HMGCLL1: variants seen among roughly 807,000 people sequenced by gnomAD.
The protein encoded by HMGCLL1 is 3-hydroxy-3-methylglutaryl-CoA lyase like 1, also known as 3-hydroxymethyl-3-methylglutaryl-CoA lyase, cytoplasmic.
Under a neutral mutation model 39.1 loss-of-function variants are expected in HMGCLL1, and 36 were observed. That is an observed-to-expected ratio of 0.92 (90% CI 0.71 to 1.22). The LOEUF (loss-of-function observed/expected upper bound fraction) is 1.22, where lower values mean the gene tolerates loss of function less well. HMGCLL1 is among the 50% of genes most tolerant of loss of function. HMGCLL1 has a pLI of 0.00. For missense variants in HMGCLL1, 451 were observed against 416.5 expected, an observed-to-expected ratio of 1.08 and a Z score of -0.72; for synonymous variants, 149 against 144.0, an observed-to-expected ratio of 1.03 and a Z score of -0.25.
intron 7 of HMGCLL1, among the ~76,000 whole-genome samples, chr6:55,477,240 TTTATATAATATATAATATATA>T (rs1196700888): frequency 5.2e-5 from 1 of 19,062 alleles, no homozygotes; most frequent in South Asian, 1.3e-3. Context: ...ATATATTATA[TTTATATAATATATAATATATA>T]TTATATAATA....
the HMGCLL1 span, among the ~76,000 whole-genome samples, chr6:55,666,758 C>T: frequency 5.3e-5 from 8 of 151,766 alleles, no homozygotes; most frequent in East Asian, 5.8e-4. Flanking sequence ...GCATGGGTAG[C>T]AGCCAGTTTA....
chr6:55,600,558 C>T, the HMGCLL1 span, among the ~76,000 whole-genome samples: 1 of 152,054 alleles, frequency 6.6e-6, no homozygotes, highest in Non-Finnish European at 1.5e-5. Flanking sequence ...AGCATGAAAA[C>T]ACGTGAAATA....
At chr6:55,544,589 T>C (rs186326776) in intron 1 of HMGCLL1, among the ~76,000 whole-genome samples, 1 of 152,212 alleles carries the variant, frequency 6.6e-6, no homozygotes, top group Admixed American at 6.5e-5. Flanking sequence ...AATTAAAGCA[T>C]ACATGGGTAA....
intron 1 of HMGCLL1, among the ~76,000 whole-genome samples, chr6:55,543,230 TATAGATATAATATAG>T (rs1769642381): frequency 2.1e-4 from 3 of 14,508 alleles, no homozygotes; most frequent in African/African-American, 5.9e-4. Flanking sequence ...TAATATATAA[TATAGATATAATATAG>T]ATATATAATA....
chr6:55,656,398 A>G, the HMGCLL1 span, among the ~76,000 whole-genome samples: 1 of 152,152 alleles, frequency 6.6e-6, no homozygotes, highest in Middle Eastern at 3.4e-3. Context: ...CTTCCTGATC[A>G]CACAGCTAAG....
the HMGCLL1 span, among the ~76,000 whole-genome samples, chr6:55,676,735 T>A: frequency 6.6e-6 from 1 of 152,260 alleles, no homozygotes; most frequent in East Asian, 1.9e-4. Flanking sequence ...AATTTGCAAA[T>A]CTTTTGATTG....
At chr6:55,460,036 T>TAA (rs779284417) in intron 7 of HMGCLL1, among the ~76,000 whole-genome samples, 3 of 152,020 alleles carry the variant, frequency 2.0e-5, no homozygotes, top group African/African-American at 4.8e-5. Context: ...CATCTGTTAT[T>TAA]GCTCAGTATT....
At chr6:55,665,824 T>C in the HMGCLL1 span, among the ~76,000 whole-genome samples, 8 of 151,866 alleles carry the variant, frequency 5.3e-5, no homozygotes, top group African/African-American at 1.9e-4. Flanking sequence ...TTTCTCAAGA[T>C]AAGTAGATGA....
chr6:55,536,379 T>A (rs958363326), intron 3 of HMGCLL1, among the ~76,000 whole-genome samples: 1 of 152,326 alleles, frequency 6.6e-6, no homozygotes, highest in South Asian at 2.1e-4. Context: ...TGTATTTTTA[T>A]TTTTAAATAA....
intron 3 of HMGCLL1, among the ~76,000 whole-genome samples, chr6:55,532,490 T>TA (rs1360545227): frequency 2.0e-5 from 3 of 151,938 alleles, no homozygotes; most frequent in East Asian, 1.9e-4. Context: ...ATATTAACCT[T>TA]AAAAAAAGTC....
At chr6:55,623,858 G>T in the HMGCLL1 span, among the ~76,000 whole-genome samples, 1 of 151,974 alleles carries the variant, frequency 6.6e-6, no homozygotes, top group Non-Finnish European at 1.5e-5. Flanking sequence ...TGCTAAGTAT[G>T]TCTATGCCTA....
At chr6:55,457,891 TC>T (rs1460729410) in intron 7 of HMGCLL1, among the ~76,000 whole-genome samples, 1 of 152,130 alleles carries the variant, frequency 6.6e-6, no homozygotes, top group East Asian at 1.9e-4. Flanking sequence ...TACGAAAATT[TC>T]CCTCACTGGG....
At chr6:55,477,684 C>A (rs943347077) in intron 7 of HMGCLL1, among the ~76,000 whole-genome samples, 1 of 148,072 alleles carries the variant, frequency 6.8e-6, no homozygotes, top group Non-Finnish European at 1.5e-5. Flanking sequence ...ATAATCATAT[C>A]TTTACAATTT....
chr6:55,669,035 G>C, the HMGCLL1 span, among the ~76,000 whole-genome samples: 1 of 151,204 alleles, frequency 6.6e-6, no homozygotes, highest in South Asian at 2.1e-4. Context: ...AATAGAAGTG[G>C]ACAATTTCTG....
the HMGCLL1 span, among the ~76,000 whole-genome samples, chr6:55,586,446 C>T: frequency 6.6e-6 from 1 of 151,598 alleles, no homozygotes. Flanking sequence ...GCACAATGAG[C>T]AGGTTTGTTA....
upstream of HMGCLL1, among the ~76,000 whole-genome samples, chr6:55,580,216 G>A (rs755124110): frequency 1.3e-5 from 2 of 150,752 alleles, no homozygotes; most frequent in Non-Finnish European, 3.0e-5. Context: ...ATGGGTGGGG[G>A]TTTGGGGGGT....
At chr6:55,565,574 A>G (rs1044094071) in intron 1 of HMGCLL1, among the ~76,000 whole-genome samples, 3 of 152,058 alleles carry the variant, frequency 2.0e-5, no homozygotes, top group African/African-American at 7.2e-5. Context: ...ATTTTATTTA[A>G]TAAATTATCA....
intron 1 of HMGCLL1, among the ~76,000 whole-genome samples, chr6:55,556,443 A>G (rs1770671078): frequency 6.6e-6 from 1 of 152,126 alleles, no homozygotes; most frequent in Non-Finnish European, 1.5e-5. Flanking sequence ...ATCAAGGGAA[A>G]TGTGCCCAGG....
intron 1 of HMGCLL1, among the ~76,000 whole-genome samples, chr6:55,560,028 A>G (rs904243603): frequency 6.6e-6 from 1 of 152,234 alleles, no homozygotes; most frequent in Admixed American, 6.5e-5. Context: ...TCACTAATTC[A>G]TTCGTTCATT....
Sources: gnomAD v4.1 joint callset for allele counts (sites outside exome capture counted in the v4.1 genomes callset) on GRCh38, gnomAD v4.1.1 for gene constraint, MANE v1.5 for transcripts, NCBI Gene and HGNC (gene_info 2026-07-23, HGNC 2026-07-21) for gene names.